The following TSPAN11 variants were observed in gnomAD, a reference collection of about 807,000 sequenced individuals.
TSPAN11 encodes the protein tetraspanin 11.
A neutral mutation model predicts 32.9 loss-of-function variants in TSPAN11; 29 were observed. The ratio of observed to expected loss-of-function variants is 0.88; its 90% CI spans 0.66 to 1.20. The LOEUF is 1.20. Among genes scored for constraint, TSPAN11 ranks in the 50% most tolerant of loss-of-function variants. The pLI is 0.00. For synonymous variants in TSPAN11, 140 were observed against 141.3 expected, an observed-to-expected ratio of 0.99 and a Z score of 0.07; for missense variants, 283 against 329.1, an observed-to-expected ratio of 0.86 and a Z score of 1.08.
chr12:30,948,819 C>G (rs1400923550), intron 1 of TSPAN11, among the ~76,000 whole-genome samples: 1 of 152,198 alleles, frequency 6.6e-6, no homozygotes, highest in African/African-American at 2.4e-5. Flanking sequence ...GATTTCTCCT[C>G]AGAAAATGAA....
intron 1 of TSPAN11, among the ~76,000 whole-genome samples, chr12:30,941,628 G>A (rs1938166406): frequency 6.6e-6 from 1 of 152,318 alleles, no homozygotes; most frequent in East Asian, 1.9e-4. Context: ...GTGTTTGGGG[G>A]CCTATTGAGA....
At chr12:30,952,739 G>A (rs951213125) in intron 1 of TSPAN11, among the ~76,000 whole-genome samples, 9 of 152,154 alleles carry the variant, frequency 5.9e-5, no homozygotes, top group East Asian at 3.9e-4. Flanking sequence ...CCCCTGGCCC[G>A]GCATGTGTGT....
In TSPAN11 at chr12:30,991,915, A is replaced by C. The variant is rs1371246563; in HGVS notation, c.762A>C (p.Ter254TyrextTer26). 8.1e-6 allele frequency: 13 copies of C among 1,614,048 alleles called. No homozygotes were observed. Among genetic ancestry groups the C allele is most frequent in the Non-Finnish European group, 1.1e-5 (13 of 1,180,000 alleles). ...LHQRLQRHFY* is the reference protein window; with the variant it reads ...LHQRLQRHFYY ...AGAGGCTCCAGCGGCATTTTTACTA[A>C]TGGCCAACCACCTCCTCTTCCAACT... is the stretch of plus-strand genomic sequence containing the variant. Residue 254 changes from the stop codon to tyrosine (Y), a stop_lost, in exon 8 of 8, where the codon TAA (stop) becomes TAC (tyrosine). Coordinates refer to ENST00000546076, the MANE Select transcript of TSPAN11 (RefSeq NM_001370302.1).
At chr12:30,965,831 GT>G (rs1938720022) in intron 3 of TSPAN11, among the ~76,000 whole-genome samples, 1 of 152,068 alleles carries the variant, frequency 6.6e-6, no homozygotes, top group Non-Finnish European at 1.5e-5. Context: ...TTAGGTGATG[GT>G]CAGTCAGGTG....
intron 1 of TSPAN11, among the ~76,000 whole-genome samples, chr12:30,948,609 G>A (rs1009910316): frequency 3.3e-5 from 5 of 152,186 alleles, no homozygotes; most frequent in African/African-American, 4.8e-5. Flanking sequence ...GGAACACAGG[G>A]CACCAAGTCC....
chr12:30,968,711 A>T (rs146855949), intron 3 of TSPAN11, among the ~76,000 whole-genome samples: 381 of 152,292 alleles, frequency 2.5e-3, no homozygotes, highest in African/African-American at 8.8e-3. Context: ...CTGGGTCTTT[A>T]TTGGGAGTTC....
At chr12:31,007,585 G>A in the TSPAN11 span, among the ~76,000 whole-genome samples, 1 of 140,498 alleles carries the variant, frequency 7.1e-6, no homozygotes, top group African/African-American at 2.6e-5. Flanking sequence ...CCCCCACCCC[G>A]ACCCCTTGGC....
At chr12:30,932,536 G>A (rs1425468749) in intron 1 of TSPAN11, among the ~76,000 whole-genome samples, 1 of 152,192 alleles carries the variant, frequency 6.6e-6, no homozygotes, top group Non-Finnish European at 1.5e-5. Flanking sequence ...CTCTGCGACT[G>A]TGCTGGGCAT....
chr12:30,966,757 T>C (rs1938741898), intron 3 of TSPAN11, among the ~76,000 whole-genome samples: 1 of 152,210 alleles, frequency 6.6e-6, no homozygotes, highest in Non-Finnish European at 1.5e-5. Context: ...GAGATCTGGC[T>C]GGTAACAAGG....
chr12:31,008,917 T>A, the TSPAN11 span, among the ~76,000 whole-genome samples: 115 of 152,208 alleles, frequency 7.6e-4, no homozygotes, highest in Admixed American at 1.4e-3. Flanking sequence ...GTCACCTGCC[T>A]CCCTCTGGCC....
chr12:30,969,058 G>A (rs1330172798), intron 3 of TSPAN11, among the ~76,000 whole-genome samples: 3 of 152,314 alleles, frequency 2.0e-5, no homozygotes, highest in South Asian at 2.1e-4. Flanking sequence ...TGGTAAAAAT[G>A]TGGCTCTAAT....
At chr12:30,968,431 C>T (rs1332578855) in intron 3 of TSPAN11, among the ~76,000 whole-genome samples, 1 of 152,254 alleles carries the variant, frequency 6.6e-6, no homozygotes, top group Admixed American at 6.5e-5. Flanking sequence ...AGAAATAGCA[C>T]ATCTCTGCTG....
intron 1 of TSPAN11, among the ~76,000 whole-genome samples, chr12:30,946,938 AG>A (rs763821951): frequency 1.2e-4 from 19 of 152,158 alleles, no homozygotes; most frequent in Non-Finnish European, 2.8e-4. Flanking sequence ...TTTGCCCCTT[AG>A]GGACACCTCC....
chr12:31,010,876 C>G, the TSPAN11 span, among the ~76,000 whole-genome samples: 1 of 152,080 alleles, frequency 6.6e-6, no homozygotes, highest in East Asian at 1.9e-4. Context: ...GATAAGCACT[C>G]CCACCACCAA....
intron 2 of TSPAN11, among the ~76,000 whole-genome samples, chr12:30,957,775 C>T (rs1592475231): frequency 3.1e-5 from 1 of 32,322 alleles, no homozygotes; most frequent in Admixed American, 3.1e-4. Context: ...TTCCTTCCTT[C>T]CCTCCCTCCC....
At chr12:31,011,806 G>A in the TSPAN11 span, among the ~76,000 whole-genome samples, 1 of 152,364 alleles carries the variant, frequency 6.6e-6, no homozygotes, top group Middle Eastern at 3.4e-3. Flanking sequence ...ACAATCTCAG[G>A]TGTATGGCGG....
intron 2 of TSPAN11, among the ~76,000 whole-genome samples, chr12:30,957,133 C>A (rs941901032): frequency 6.6e-6 from 1 of 152,048 alleles, no homozygotes; most frequent in Admixed American, 6.6e-5. Context: ...TCCCACTGAA[C>A]GTGGCTGCTG....
At chr12:30,990,846 C>T (rs928978178) in intron 7 of TSPAN11, among the ~76,000 whole-genome samples, 3 of 152,234 alleles carry the variant, frequency 2.0e-5, no homozygotes, top group African/African-American at 4.8e-5. Context: ...CCAGGTATCA[C>T]GGGACAGTCA....
At chr12:30,964,059 C>T in intron 3 of TSPAN11, 42 bp downstream of exon 3, 3 of 1,588,026 alleles carry the variant, frequency 1.9e-6, no homozygotes, top group Non-Finnish European at 1.7e-6. Context: ...GGGAGCCCTG[C>T]ACCACCCAGT....
Sources: allele counts gnomAD v4.1 joint callset (sites outside exome capture counted in the v4.1 genomes callset), GRCh38; gene constraint gnomAD v4.1.1; transcripts MANE v1.5; gene names NCBI Gene and HGNC (gene_info 2026-07-23, HGNC 2026-07-21).